The following SYN3 variants were observed in gnomAD, a reference collection of about 807,000 sequenced individuals.
The protein encoded by SYN3 is synapsin-3.
In SYN3, 35 loss-of-function variants were observed where a neutral mutation model predicts 65.8. That is an observed-to-expected ratio of 0.53 (90% CI 0.41 to 0.70). SYN3 has a LOEUF of 0.70. SYN3 is among the 30% of genes least tolerant of loss of function. The pLI, the probability that SYN3 is intolerant of heterozygous loss-of-function variation, is 0.00. For missense variants in SYN3, 680 were observed against 749.0 expected, an observed-to-expected ratio of 0.91 and a Z score of 1.08; for synonymous variants, 270 against 292.9, an observed-to-expected ratio of 0.92 and a Z score of 0.80.
At chr22:32,846,470 A>G (rs918904964) in intron 6 of SYN3, among the ~76,000 whole-genome samples, 1 of 152,254 alleles carries the variant, frequency 6.6e-6, no homozygotes, top group African/African-American at 2.4e-5. Flanking sequence ...GATAATGCTA[A>G]TAACAGTGGT....
Position 32,513,605 on chromosome 22 carries a change from C to A in SYN3, c.*87G>T. 6.5e-7 allele frequency: 1 copy of A among 1,536,622 alleles called. No individual in the cohort carries two copies. The highest frequency in any genetic ancestry group is 1.2e-5 in the South Asian group (1 of 81,976). On this transcript the variant is annotated 3_prime_UTR_variant, in exon 14 of 14. Transcript: ENST00000358763. ...TGTTCTCAGGCCCTCCATTCTGTTC[C>A]CATCAGGAACCAAGGCTGAGAAGGA... is the stretch of plus-strand genomic sequence containing the variant.
At chr22:32,650,260 T>TCCCTCCCTCCCTCCCCCCCTCCCTCC (rs3070512) in intron 6 of SYN3, among the ~76,000 whole-genome samples, 1 of 59,718 alleles carries the variant, frequency 1.7e-5, no homozygotes, top group African/African-American at 1.1e-4. Flanking sequence ...CCTCCCTCCC[T>TCCCTCCCTCCCTCCCCCCCTCCCTCC]CTCTCTCTCT....
intron 6 of SYN3, among the ~76,000 whole-genome samples, chr22:32,603,572 C>T (rs1437628062): frequency 1.3e-5 from 2 of 151,888 alleles, no homozygotes; most frequent in African/African-American, 2.4e-5. Flanking sequence ...AAACACAGCC[C>T]TTTGCCCGAA....
chr22:32,577,214 G>A (rs1182079603), intron 7 of SYN3, among the ~76,000 whole-genome samples: 1 of 152,148 alleles, frequency 6.6e-6, no homozygotes, highest in African/African-American at 2.4e-5. Context: ...GCTTGCTTGG[G>A]CCTTTATGCT....
intron 7 of SYN3, among the ~76,000 whole-genome samples, chr22:32,549,317 G>C (rs979849680): frequency 6.6e-6 from 1 of 152,110 alleles, no homozygotes. Context: ...GCAGTGGCAT[G>C]ATCATGGCTT....
At chr22:32,951,567 C>T (rs9621609) in intron 3 of SYN3, among the ~76,000 whole-genome samples, 8,137 of 152,218 alleles carry the variant, frequency 0.053, 710 homozygotes, top group African/African-American at 0.18. Context: ...GCCTGTGCTC[C>T]GTCAATATCA....
chr22:32,943,826 C>T (rs1209951237), intron 3 of SYN3, among the ~76,000 whole-genome samples: 7 of 152,078 alleles, frequency 4.6e-5, no homozygotes, highest in African/African-American at 9.7e-5. Context: ...GACTTTAAAC[C>T]GGCAAAGATC....
At chr22:32,829,407 A>G (rs183721449) in intron 6 of SYN3, among the ~76,000 whole-genome samples, 1 of 152,282 alleles carries the variant, frequency 6.6e-6, no homozygotes, top group Non-Finnish European at 1.5e-5. Context: ...GCACTTCATT[A>G]TGGCAAAGAC....
intron 4 of SYN3, among the ~76,000 whole-genome samples, chr22:32,903,639 G>A (rs879551354): frequency 6.6e-6 from 1 of 152,210 alleles, no homozygotes; most frequent in Non-Finnish European, 1.5e-5. Context: ...GTTACCATCG[G>A]CCTCCAGGCT....
intron 6 of SYN3, among the ~76,000 whole-genome samples, chr22:32,683,617 T>C (rs2060552175): frequency 6.6e-6 from 1 of 152,200 alleles, no homozygotes; most frequent in Non-Finnish European, 1.5e-5. Context: ...AGTCTCTGCC[T>C]CTGTCACCAC....
intron 3 of SYN3, among the ~76,000 whole-genome samples, chr22:32,975,823 T>C (rs2052168460): frequency 6.6e-6 from 1 of 152,234 alleles, no homozygotes; most frequent in Admixed American, 6.5e-5. Flanking sequence ...GTGTATTTAT[T>C]TCTATCAAGT....
chr22:32,798,912 C>T (rs1204225108), intron 6 of SYN3, among the ~76,000 whole-genome samples: 3 of 152,006 alleles, frequency 2.0e-5, no homozygotes, highest in African/African-American at 7.2e-5. Flanking sequence ...AGGATGGTCT[C>T]GATCTCCTGA....
rs139508434 is a variant in SYN3 at position 32,809,350 on chromosome 22, G to T, written c.711+55565C>A. Among the ~76,000 whole-genome samples the T allele has an allele frequency of 8.5e-4, 130 of 152,290 alleles. 1 individual carries two copies. In the East Asian group the frequency reaches 0.023, roughly 27 times the overall value. ...CCACATGAGTCTTTGGCTCCCCACT[G>T]TTGGGGTCCCCGTCAGTCTGCTTAT... On this transcript the variant is annotated intron_variant, in intron 6 of 13. Coordinates refer to ENST00000358763, the MANE Select transcript of SYN3 (RefSeq NM_003490.4).
At position 33,058,357 on chromosome 22, in the gene SYN3, T is replaced by C. The variant is rs2054286926; in HGVS notation, c.-228A>G. 1 of 151,278 alleles carries C rather than the reference T, an allele frequency of 6.6e-6. No individual in the cohort carries two copies. The highest frequency in any genetic ancestry group is 2.0e-4 in the East Asian group (1 of 5,074). The allele number at this position is 151,278 out of a possible 1,614,324, so 9.4% of individuals were successfully genotyped here. ...GCGCGGCGCCCGCCAGTCGATCCGC[T>C]CCGGGTCCCGGGAGCTCAGCCTCTG... On this transcript the variant is annotated 5_prime_UTR_variant, in exon 1 of 14. Transcript: ENST00000358763.
At chr22:32,815,062 TAGTTGCGTTTC>T (rs1223640528) in intron 6 of SYN3, among the ~76,000 whole-genome samples, 1 of 152,274 alleles carries the variant, frequency 6.6e-6, no homozygotes, top group Admixed American at 6.5e-5. Flanking sequence ...CAGTTTGGAC[TAGTTGCGTTTC>T]AGCTACCTGT....
chr22:32,582,359 T>C (rs1343455031), intron 7 of SYN3, among the ~76,000 whole-genome samples: 1 of 134,894 alleles, frequency 7.4e-6, no homozygotes, highest in African/African-American at 2.5e-5. Flanking sequence ...TCTCCCTTTT[T>C]TTTTTTTTGA....
intron 6 of SYN3, among the ~76,000 whole-genome samples, chr22:32,764,457 A>G (rs903454592): frequency 9.9e-5 from 15 of 152,136 alleles, no homozygotes; most frequent in African/African-American, 3.6e-4. Flanking sequence ...GAATGACCCA[A>G]CAGCCTCACT....
chr22:32,935,027 T>C (rs540391134), intron 3 of SYN3, among the ~76,000 whole-genome samples: 1 of 152,342 alleles, frequency 6.6e-6, no homozygotes, highest in South Asian at 2.1e-4. Flanking sequence ...GCAGCTCTGC[T>C]GAAACCTTGA....
At chr22:32,715,411 T>G (rs935001271) in intron 6 of SYN3, among the ~76,000 whole-genome samples, 2 of 152,258 alleles carry the variant, frequency 1.3e-5, no homozygotes, top group Admixed American at 6.5e-5. Flanking sequence ...TGAAACACAC[T>G]TTGGGAATTG....
Sources: allele counts gnomAD v4.1 joint callset (sites outside exome capture counted in the v4.1 genomes callset), GRCh38; gene constraint gnomAD v4.1.1; transcripts MANE v1.5; gene names NCBI Gene and HGNC (gene_info 2026-07-23, HGNC 2026-07-21).